The following NLK variants were observed in gnomAD, a reference collection of about 807,000 sequenced individuals.
NLK encodes serine/threonine-protein kinase NLK.
Under a neutral mutation model 59.0 loss-of-function variants are expected in NLK, and 11 were observed. The observed-to-expected ratio is 0.19, with a 90% CI of 0.12 to 0.31. The LOEUF (loss-of-function observed/expected upper bound fraction) is 0.31. Ranked by LOEUF, NLK falls within the 10% of genes least tolerant of loss-of-function variation. NLK has a pLI of 1.00. For synonymous variants in NLK, 235 were observed against 235.9 expected (o/e 1.00, Z 0.03); for missense variants, 410 against 661.1 (o/e 0.62, Z 4.16).
intron 7 of NLK, among the ~76,000 whole-genome samples, chr17:28,174,576 T>A (rs1908599293): frequency 6.6e-6 from 1 of 152,214 alleles, no homozygotes; most frequent in Admixed American, 6.5e-5. Context: ...TGAAGTGGTC[T>A]CCTTAGGCAG....
At chr17:28,129,345 T>G (rs1219955898) in intron 2 of NLK, among the ~76,000 whole-genome samples, 1 of 151,932 alleles carries the variant, frequency 6.6e-6, no homozygotes, top group Non-Finnish European at 1.5e-5. Flanking sequence ...CCCAGCTACT[T>G]GGGAGGCTGA....
intron 5 of NLK, among the ~76,000 whole-genome samples, chr17:28,166,464 G>A (rs1015857229): frequency 1.3e-5 from 2 of 152,098 alleles, no homozygotes; most frequent in Non-Finnish European, 2.9e-5. Context: ...CTTTAGAACG[G>A]GGTTTTCAGA....
At chr17:28,125,061 A>G (rs1906239333) in intron 2 of NLK, among the ~76,000 whole-genome samples, 1 of 152,100 alleles carries the variant, frequency 6.6e-6, no homozygotes, top group Non-Finnish European at 1.5e-5. Flanking sequence ...AAAAAAGACA[A>G]AAAAGAAATT....
chr17:28,116,372 C>A, intron 1 of NLK: 1 of 197,266 alleles, frequency 5.1e-6, no homozygotes. Context: ...GCCGAATTTT[C>A]ATGGGTGGCT....
Position 28,194,624 on chromosome 17 carries a change from G to A in NLK, c.1572G>A (p.Leu524=). 6.3e-7 allele frequency: 1 copy of A among 1,594,924 alleles called. No homozygotes were observed. The highest frequency in any genetic ancestry group is 8.6e-7 in the Non-Finnish European group (1 of 1,165,268). ...AQPSEMPPSP[L]VWE is the part of the protein sequence containing the mutation. ...CATCTGAGATGCCCCCATCTCCTCT[G>A]GTGTGGGAGTGATGGTGGAAGATAA... Residue 524 remains leucine (L), a synonymous_variant, in exon 11 of 11, where the codon CTG becomes CTA. Coordinates refer to ENST00000407008, the MANE Select transcript of NLK (RefSeq NM_016231.5).
rs557170627 is a variant in NLK, at chr17:28,081,697, G to T, written c.458+38366G>T. On this transcript the variant is annotated intron_variant, in intron 1 of 10. Transcript: ENST00000407008. ...ACACTGGGGTAACAAAGGAAATCAG[G>T]TTTTGTGTTCGTTTTAATGTTACCT... is the stretch of plus-strand genomic sequence containing the variant. Among the ~76,000 whole-genome samples, 15 of 152,246 alleles carry T rather than the reference G, an allele frequency of 9.9e-5. No homozygotes were observed. In the South Asian group the frequency reaches 2.7e-3, roughly 27 times the overall value.
chr17:28,181,298 C>G (rs1908895180), intron 7 of NLK, among the ~76,000 whole-genome samples: 1 of 152,092 alleles, frequency 6.6e-6, no homozygotes, highest in South Asian at 2.1e-4. Flanking sequence ...ACTCTGGAGG[C>G]TGAGGCAGGA....
intron 1 of NLK, among the ~76,000 whole-genome samples, chr17:28,110,834 T>G (rs1281548732): frequency 6.6e-6 from 1 of 152,092 alleles, no homozygotes; most frequent in Non-Finnish European, 1.5e-5. Context: ...TTAATTCTTT[T>G]TTTTGTTTGT....
intron 1 of NLK, among the ~76,000 whole-genome samples, chr17:28,050,941 C>T (rs1909230287): frequency 6.6e-6 from 1 of 151,702 alleles, no homozygotes; most frequent in Non-Finnish European, 1.5e-5. Context: ...CTCATCTCCA[C>T]TAAAAGTACA....
At chr17:28,099,349 C>T (rs950280645) in intron 1 of NLK, among the ~76,000 whole-genome samples, 157 of 152,036 alleles carry the variant, frequency 1.0e-3, no homozygotes, top group African/African-American at 3.6e-3. Context: ...TAATTATATA[C>T]GATCACGGAA....
intron 1 of NLK, among the ~76,000 whole-genome samples, chr17:28,076,911 C>A (rs1489829332): frequency 1.3e-5 from 2 of 152,032 alleles, no homozygotes; most frequent in Non-Finnish European, 2.9e-5. Flanking sequence ...AGTAACATTG[C>A]AGCTTGTAAG....
chr17:28,141,311 C>T (rs1208050142), intron 3 of NLK, among the ~76,000 whole-genome samples: 2 of 152,134 alleles, frequency 1.3e-5, no homozygotes, highest in Non-Finnish European at 2.9e-5. Context: ...CTTCTCTGTT[C>T]TTCAGAACTG....
chr17:28,181,291 C>G (rs951848957), intron 7 of NLK, among the ~76,000 whole-genome samples: 2 of 152,076 alleles, frequency 1.3e-5, no homozygotes, highest in Non-Finnish European at 2.9e-5. Context: ...CCCAGCTACT[C>G]TGGAGGCTGA....
At chr17:28,113,933 A>G (rs1319111039) in intron 1 of NLK, among the ~76,000 whole-genome samples, 1 of 152,024 alleles carries the variant, frequency 6.6e-6, no homozygotes, top group African/African-American at 2.4e-5. Context: ...ATCCCTAAAC[A>G]TTATAGTTTA....
At chr17:28,136,886 T>C (rs1391660634) in intron 3 of NLK, among the ~76,000 whole-genome samples, 1 of 149,396 alleles carries the variant, frequency 6.7e-6, no homozygotes, top group Admixed American at 6.8e-5. Context: ...ATTACAGGCA[T>C]GAGCCACTGT....
intron 1 of NLK, among the ~76,000 whole-genome samples, chr17:28,050,346 G>A (rs1909205649): frequency 6.6e-6 from 1 of 152,186 alleles, no homozygotes; most frequent in East Asian, 1.9e-4. Context: ...TGGGTGGTAG[G>A]AAGTGTAAGC....
At chr17:28,069,244 C>T (rs1301008191) in intron 1 of NLK, among the ~76,000 whole-genome samples, 1 of 152,214 alleles carries the variant, frequency 6.6e-6, no homozygotes, top group Non-Finnish European at 1.5e-5. Flanking sequence ...ATGTTGCTTG[C>T]ACATATCAGT....
rs929001058 is a variant in NLK, at chr17:28,117,867, G to A, written c.459-4736G>A. ...CGTTTTTTATTTATGTTTTGGATGG[G>A]GGAAAGGCCTAGAAAGATTTCTTCT... is the stretch of plus-strand genomic sequence containing the variant. On this transcript the variant is annotated intron_variant, in intron 1 of 10. Transcript: ENST00000407008. 1.9e-4 allele frequency among the ~76,000 whole-genome samples: 29 copies of A among 152,086 alleles called. 1 individual carries two copies. The highest frequency in any genetic ancestry group is 6.5e-4 in the African/African-American group (27 of 41,438).
At position 28,191,526 on chromosome 17, in the gene NLK, A is replaced by G. The variant is rs151196349; in HGVS notation, c.1435+307A>G. Among the ~76,000 whole-genome samples, 389 of 152,320 alleles carry G rather than the reference A, an allele frequency of 2.6e-3. 3 individuals carry two copies. Among genetic ancestry groups the G allele is most frequent in the African/African-American group, 8.8e-3 (367 of 41,574 alleles). On this transcript the variant is annotated intron_variant, in intron 9 of 10. Coordinates refer to ENST00000407008, the MANE Select transcript of NLK (RefSeq NM_016231.5). ...TTGATTCAAACGTATTGAACTTTAT[A>G]TAACATACAAAGTTCCATAAAGGAT...
Sources: gnomAD v4.1 joint callset for allele counts (sites outside exome capture counted in the v4.1 genomes callset) on GRCh38, gnomAD v4.1.1 for gene constraint, MANE v1.5 for transcripts, NCBI Gene and HGNC (gene_info 2026-07-23, HGNC 2026-07-21) for gene names.